The following ZNF362 variants were observed in gnomAD, a reference collection of about 807,000 sequenced individuals.
ZNF362 encodes the protein zinc finger protein 362.
Under a neutral mutation model 42.9 loss-of-function variants are expected in ZNF362, and 11 were observed. The observed-to-expected ratio is 0.26, with a 90% CI of 0.16 to 0.42. The LOEUF is 0.42. Ranked by LOEUF, ZNF362 falls within the 20% of genes least tolerant of loss-of-function variation. ZNF362 has a pLI of 1.00. For synonymous variants in ZNF362, 255 were observed against 257.3 expected (o/e 0.99, Z 0.09); for missense variants, 362 against 576.2 (o/e 0.63, Z 3.81).
At chr1:33,205,584 C>T in the ZNF362 span, among the ~76,000 whole-genome samples, 15 of 151,886 alleles carry the variant, frequency 9.9e-5, no homozygotes. Flanking sequence ...CATTATAAAG[C>T]TACAGTAGTC....
the ZNF362 span, among the ~76,000 whole-genome samples, chr1:33,226,527 G>A: frequency 1.9e-3 from 296 of 152,268 alleles, 3 homozygotes; most frequent in Middle Eastern, 0.01. Context: ...AAAAAGTAAC[G>A]AGGTGCTGAT....
intron 6 of ZNF362, among the ~76,000 whole-genome samples, chr1:33,283,011 C>T (rs1030982507): frequency 1.3e-5 from 2 of 152,246 alleles, no homozygotes; most frequent in South Asian, 2.1e-4. Flanking sequence ...AGCATTGTCA[C>T]GTGTTTGCCA....
At chr1:33,136,685 G>A in the ZNF362 span, among the ~76,000 whole-genome samples, 4 of 151,532 alleles carry the variant, frequency 2.6e-5, no homozygotes, top group Non-Finnish European at 5.9e-5. Context: ...GGCTGTTTCC[G>A]GTTCCCCAAC....
the ZNF362 span, chr1:33,147,452 C>T: frequency 1.2e-5 from 19 of 1,613,880 alleles, no homozygotes; most frequent in African/African-American, 1.3e-5. This position sits in a 1 kb window ranked among gnomAD's most constrained non-coding sequence, Gnocchi z 8.1. Flanking sequence ...CAGTAGAAGC[C>T]GCGGCTGGGC....
the ZNF362 span, among the ~76,000 whole-genome samples, chr1:33,239,905 A>G: frequency 6.6e-6 from 1 of 152,190 alleles, no homozygotes. Context: ...AAAATAAATA[A>G]TGATAGTAAC....
At chr1:33,197,783 C>A in the ZNF362 span, among the ~76,000 whole-genome samples, 1 of 152,122 alleles carries the variant, frequency 6.6e-6, no homozygotes, top group Non-Finnish European at 1.5e-5. Flanking sequence ...CTTCATAGTA[C>A]TGAGTACTGA....
At chr1:33,214,047 A>G in the ZNF362 span, among the ~76,000 whole-genome samples, 44 of 152,364 alleles carry the variant, frequency 2.9e-4, no homozygotes, top group Admixed American at 2.1e-3. Context: ...AATTAAAAAG[A>G]AATCAATCCA....
In ZNF362 at chr1:33,294,080, AT is replaced by A. The variant is rs1217946782; in HGVS notation, c.909-856del. On this transcript the variant is annotated intron_variant, in intron 6 of 8. Coordinates refer to ENST00000539719, the MANE Select transcript of ZNF362 (RefSeq NM_152493.3). The surrounding 1 kb of genome is among the most constrained non-coding windows in gnomAD (Gnocchi z 4.2). ...GTGGCTTTTGTCTGTTTTGTTCATGATATATTCCAAATACCTAGCACAGTGC... is the reference window on the plus strand; with the variant it reads ...GTGGCTTTTGTCTGTTTTGTTCATGAATATTCCAAATACCTAGCACAGTGC... Among the ~76,000 whole-genome samples, 2 of 152,088 alleles carry A rather than the reference AT, an allele frequency of 1.3e-5. No homozygotes were observed. The highest frequency in any genetic ancestry group is 2.9e-5 in the Non-Finnish European group (2 of 68,022).
chr1:33,148,290 A>G, the ZNF362 span, among the ~76,000 whole-genome samples: 1 of 152,252 alleles, frequency 6.6e-6, no homozygotes, highest in Non-Finnish European at 1.5e-5. Flanking sequence ...AATCTTTTTT[A>G]TAAGGATAAG....
rs1645863659 is a variant in ZNF362, at chr1:33,266,163, T to A, written c.-88-4324T>A. Among the ~76,000 whole-genome samples, 2 of 152,202 alleles carry A rather than the reference T, an allele frequency of 1.3e-5. No homozygotes were observed. Among genetic ancestry groups the A allele is most frequent in the Non-Finnish European group, 2.9e-5 (2 of 68,034 alleles). The stretch of plus-strand genomic sequence containing the variant: ...TGTTGCCCCTCTCTGGGGGCAGGGA[T>A]TATGTTTGAGAAACCTTTGCTCTCC... On this transcript the variant is annotated intron_variant, in intron 1 of 8. Coordinates refer to ENST00000539719, the MANE Select transcript of ZNF362 (RefSeq NM_152493.3). This position sits in a 1 kb window ranked among gnomAD's most constrained non-coding sequence, Gnocchi z 4.3.
At chr1:33,192,146 A>G in the ZNF362 span, among the ~76,000 whole-genome samples, 2 of 152,198 alleles carry the variant, frequency 1.3e-5, no homozygotes, top group Non-Finnish European at 2.9e-5. Flanking sequence ...CTGGGCTGGT[A>G]ATTGACTAAT....
rs369240879 is a variant in ZNF362, at chr1:33,299,062, C to T, written c.*16C>T. 20 of 1,594,314 alleles carry T rather than the reference C, an allele frequency of 1.3e-5. No individual in the cohort carries two copies. The African/African-American group carries it at 1.3e-4, about 11-fold the overall frequency. On this transcript the variant is annotated 3_prime_UTR_variant, in exon 9 of 9. Coordinates refer to ENST00000539719, the MANE Select transcript of ZNF362 (RefSeq NM_152493.3). ...TCTCATCTGAGCCCACTGGAGGCGC[C>T]GCCCCACCCGGCCCACTGGCAGACA...
the ZNF362 span, among the ~76,000 whole-genome samples, chr1:33,213,888 AAAC>A: frequency 2.0e-5 from 3 of 151,848 alleles, no homozygotes; most frequent in African/African-American, 7.3e-5. Context: ...AAAAAAAACA[AAAC>A]AACAACAACA....
the ZNF362 span, among the ~76,000 whole-genome samples, chr1:33,150,869 G>A: frequency 3.3e-5 from 5 of 152,170 alleles, no homozygotes; most frequent in African/African-American, 1.2e-4. Flanking sequence ...GACAGTGGAG[G>A]GGCAGAAGAG....
In ZNF362 at chr1:33,276,423, C is replaced by T. The variant is rs926462517; in HGVS notation, c.178C>T (p.Pro60Ser). The T allele has an allele frequency of 1.8e-5, 28 of 1,582,364 alleles. No individual in the cohort carries two copies. The highest frequency in any genetic ancestry group is 2.2e-5 in the Non-Finnish European group (26 of 1,165,270). ...GAAGATCAGGCCGCCTCACCTGCCG[C>T]CCACGTCGGCCTCGTCGCAGCAGCC... ...AEKIRPPHLPPTSASSQQPLL... is the reference protein window; with the variant it reads ...AEKIRPPHLPSTSASSQQPLL... Residue 60 changes from proline (P) to serine (S), a missense_variant, in exon 4 of 9, where the codon CCC becomes TCC. Coordinates refer to ENST00000539719, the MANE Select transcript of ZNF362 (RefSeq NM_152493.3).
At chr1:33,240,921 A>G in the ZNF362 span, among the ~76,000 whole-genome samples, 3 of 152,222 alleles carry the variant, frequency 2.0e-5, no homozygotes, top group African/African-American at 7.2e-5. Flanking sequence ...GCTGCAGAAT[A>G]AGGGTGTGAC....
chr1:33,219,455 A>G, the ZNF362 span, among the ~76,000 whole-genome samples: 2 of 152,184 alleles, frequency 1.3e-5, no homozygotes, highest in Non-Finnish European at 2.9e-5. Context: ...ATGGAGGGAG[A>G]TTGCAGGGCA....
chr1:33,153,999 G>C, the ZNF362 span, among the ~76,000 whole-genome samples: 57 of 152,314 alleles, frequency 3.7e-4, no homozygotes, highest in African/African-American at 1.3e-3. Context: ...ATCCAGGAAG[G>C]CTTCTCAGAG....
At chr1:33,176,490 G>A in the ZNF362 span, 2 of 681,534 alleles carry the variant, frequency 2.9e-6, no homozygotes, top group East Asian at 5.4e-5. Context: ...GGTCACATGA[G>A]GCCTGGAGGG....
Sources: allele counts gnomAD v4.1 joint callset (sites outside exome capture counted in the v4.1 genomes callset), GRCh38; gene constraint gnomAD v4.1.1; non-coding constraint Gnocchi (gnomAD v3.1); transcripts MANE v1.5; gene names NCBI Gene and HGNC (gene_info 2026-07-23, HGNC 2026-07-21).